Variants in ARL9 observed in about 807,000 individuals in gnomAD.
ARL9 encodes ADP-ribosylation factor-like protein 9.
In ARL9, 14 loss-of-function variants were observed where a neutral mutation model predicts 27.0. That is an observed-to-expected ratio of 0.52 (90% CI 0.34 to 0.81). The LOEUF is 0.81. Among genes scored for constraint, ARL9 ranks in the 30% least tolerant of loss-of-function variants. The pLI is 0.01. For missense variants in ARL9, 294 were observed against 290.0 expected (o/e 1.01, Z -0.10); for synonymous variants, 106 against 108.7 (o/e 0.98, Z 0.15).
At chr4:56,518,620 G>T (rs1721829078) in intron 2 of ARL9, 58 bp from the exon 3 acceptor site, 1 of 1,492,228 alleles carries the variant, frequency 6.7e-7, no homozygotes, top group South Asian at 1.2e-5. Context: ...CTGCTCCCTG[G>T]GTGGGTGCTT....
At position 56,523,991 on chromosome 4, in the gene ARL9, A is replaced by C; in HGVS notation, c.*115A>C. 1.0e-6 allele frequency: 1 copy of C among 992,612 alleles called. No homozygotes were observed. The highest frequency in any genetic ancestry group is 1.4e-6 in the Non-Finnish European group (1 of 700,444). 61.5% of individuals were successfully genotyped at this position (992,612 alleles called of 1,614,324 possible). A position where few individuals can be genotyped will look rare whatever the true frequency, so the allele number is the denominator to read the frequency against. The stretch of plus-strand genomic sequence containing the variant: ...AAATTAAGCCATTTCCTATTTTCTC[A>C]GTGCATGGGATGTATATAGTTAGCC... On this transcript the variant is annotated 3_prime_UTR_variant, in exon 4 of 4. Coordinates refer to ENST00000640821, the MANE Select transcript of ARL9 (RefSeq NM_001363794.2).
intron 1 of ARL9, among the ~76,000 whole-genome samples, chr4:56,510,773 C>G (rs559403039): frequency 4.0e-4 from 53 of 131,628 alleles, no homozygotes; most frequent in African/African-American, 1.3e-3. Context: ...AAGTTTTATC[C>G]CTTTTTTTTT....
intron 1 of ARL9, among the ~76,000 whole-genome samples, chr4:56,509,700 A>G (rs1284208821): frequency 6.5e-5 from 8 of 122,920 alleles, no homozygotes; most frequent in African/African-American, 2.7e-4. Flanking sequence ...GCACTGGGCT[A>G]ATTTTTTTTT....
chr4:56,505,670 T>C, upstream of ARL9: 1 of 927,270 alleles, frequency 1.1e-6, no homozygotes, highest in Non-Finnish European at 1.5e-6. Context: ...GCGAATCGGC[T>C]GCAAGAAGCC....
chr4:56,506,527 GCAGGCCCT>G (rs79750185), intron 1 of ARL9: 71,406 of 749,296 alleles, frequency 0.095, 3,778 homozygotes, highest in East Asian at 0.28. Flanking sequence ...CTCCCCACAC[GCAGGCCCT>G]CTTTGCATTG....
intron 3 of ARL9, among the ~76,000 whole-genome samples, chr4:56,522,807 CTT>C (rs1449773914): frequency 2.6e-5 from 4 of 152,200 alleles, no homozygotes; most frequent in African/African-American, 9.7e-5. Context: ...TCCCCCATCT[CTT>C]TCCCTGTCTC....
At chr4:56,519,854 G>T (rs1279159084) in intron 3 of ARL9, among the ~76,000 whole-genome samples, 1 of 151,856 alleles carries the variant, frequency 6.6e-6, no homozygotes, top group Non-Finnish European at 1.5e-5. Flanking sequence ...CACATGCAAA[G>T]GGATTTTTTT....
chr4:56,516,714 G>A (rs371809589), intron 2 of ARL9, among the ~76,000 whole-genome samples: 3 of 152,024 alleles, frequency 2.0e-5, no homozygotes, highest in Non-Finnish European at 2.9e-5. Context: ...GTGGATCACT[G>A]GAGTTCAAGG....
At chr4:56,507,491 T>G (rs1298452931) in intron 1 of ARL9, among the ~76,000 whole-genome samples, 1 of 151,570 alleles carries the variant, frequency 6.6e-6, no homozygotes, top group South Asian at 2.1e-4. Context: ...ATTTCTGTAT[T>G]TTTGGTAGAG....
intron 1 of ARL9, chr4:56,506,787 TGTGTGTG>T (rs1560694823): frequency 1.0e-5 from 1 of 97,992 alleles, no homozygotes; most frequent in Non-Finnish European, 2.1e-5. Flanking sequence ...TTAACACAGT[TGTGTGTG>T]TGTGTGTGTG....
intron 2 of ARL9, among the ~76,000 whole-genome samples, chr4:56,515,222 C>G (rs1393334758): frequency 2.0e-5 from 3 of 150,470 alleles, no homozygotes; most frequent in Non-Finnish European, 4.4e-5. Context: ...CCACTGCACT[C>G]CATCCAGTCT....
intron 1 of ARL9, among the ~76,000 whole-genome samples, chr4:56,507,129 T>C (rs1046882017): frequency 6.6e-6 from 1 of 151,758 alleles, no homozygotes; most frequent in African/African-American, 2.4e-5. Flanking sequence ...ACAGACTACA[T>C]AGACTCATAT....
Position 56,506,072 on chromosome 4 carries a change from A to G in ARL9, c.210A>G (p.Gln70=). The stretch of plus-strand genomic sequence containing the variant: ...AGGAGACAAACAAAGAGAAGGAACA[A>G]TTTAAGGGACAAGAAGAGAAAGGGG... ...QGKETNKEKE[Q]FKGQEEKGEN... is the part of the protein sequence containing the mutation. Residue 70 remains glutamine (Q), a synonymous_variant, in exon 1 of 4, where the codon CAA becomes CAG. Transcript: ENST00000640821. 1 of 1,236,046 alleles carries G rather than the reference A, an allele frequency of 8.1e-7. No homozygotes were observed. The highest frequency in any genetic ancestry group is 1.0e-6 in the Non-Finnish European group (1 of 990,586). The allele number at this position is 1,236,046 out of a possible 1,614,324, so 76.6% of individuals were successfully genotyped here.
chr4:56,506,678 G>C, intron 1 of ARL9: 1 of 985,388 alleles, frequency 1.0e-6, no homozygotes. Flanking sequence ...TAGAAACTTG[G>C]CATTATTTGG....
intron 3 of ARL9, among the ~76,000 whole-genome samples, chr4:56,522,866 C>T (rs1012237101): frequency 6.6e-6 from 1 of 152,118 alleles, no homozygotes; most frequent in African/African-American, 2.4e-5. Context: ...AATCTGTTCC[C>T]TCTCCATTCT....
chr4:56,514,734 T>C (rs1721725851), intron 2 of ARL9, among the ~76,000 whole-genome samples: 1 of 152,180 alleles, frequency 6.6e-6, no homozygotes. Flanking sequence ...TGGGCTCTTA[T>C]CAATCTTAAT....
At position 56,508,968 on chromosome 4, in the gene ARL9, C is replaced by T. The variant is rs1721546076; in HGVS notation, c.280-2217C>T. ...AAGACAATTATTAGAGTTTTTTGTG[C>T]ATAAGAAACTTCTTTAGTAGGATCT... is the stretch of plus-strand genomic sequence containing the variant. On this transcript the variant is annotated intron_variant, in intron 1 of 3. Transcript: ENST00000640821. Among the ~76,000 whole-genome samples the T allele has an allele frequency of 2.0e-5, 3 of 152,180 alleles. No homozygotes were observed. The South Asian group carries it at 6.2e-4, about 32-fold the overall frequency.
chr4:56,516,297 G>C (rs1014977690), intron 2 of ARL9, among the ~76,000 whole-genome samples: 19 of 152,106 alleles, frequency 1.2e-4, no homozygotes, highest in Non-Finnish European at 2.4e-4. Flanking sequence ...TCAGGATAGA[G>C]AAAGATTTTT....
At chr4:56,522,129 G>A (rs1721938706) in intron 3 of ARL9, among the ~76,000 whole-genome samples, 1 of 151,668 alleles carries the variant, frequency 6.6e-6, no homozygotes, top group Non-Finnish European at 1.5e-5. Flanking sequence ...GATAGAATTT[G>A]ATAGGTTCGG....
Sources: gnomAD v4.1 joint callset for allele counts (sites outside exome capture counted in the v4.1 genomes callset) on GRCh38, gnomAD v4.1.1 for gene constraint, MANE v1.5 for transcripts, NCBI Gene and HGNC (gene_info 2026-07-23, HGNC 2026-07-21) for gene names.